The following ANKS1B variants were observed in gnomAD, a reference collection of about 807,000 sequenced individuals.
The protein encoded by ANKS1B is ankyrin repeat and sterile alpha motif domain containing 1B, also known as ankyrin repeat and sterile alpha motif domain-containing protein 1B.
A neutral mutation model predicts 148.3 loss-of-function variants in ANKS1B; 36 were observed. The observed-to-expected ratio is 0.24, with a 90% CI of 0.19 to 0.32. The LOEUF is 0.32. Among genes scored for constraint, ANKS1B ranks in the 10% least tolerant of loss-of-function variants. The pLI is 1.00. For synonymous variants in ANKS1B, 542 were observed against 560.8 expected, an observed-to-expected ratio of 0.97 and a Z score of 0.47; for missense variants, 1,157 against 1,542.6, an observed-to-expected ratio of 0.75 and a Z score of 4.19.
At chr12:99,093,441 C>A (rs4762549) in intron 15 of ANKS1B, 13,497 of 152,280 alleles carry the variant, frequency 0.089, 1,489 homozygotes, top group African/African-American at 0.26. Context: ...GACTGGTCAA[C>A]TGGGAAAATG....
intron 15 of ANKS1B, among the ~76,000 whole-genome samples, chr12:99,114,189 C>A (rs1222956784): frequency 6.6e-6 from 1 of 152,106 alleles, no homozygotes; most frequent in Non-Finnish European, 1.5e-5. Flanking sequence ...ATTCTCATAA[C>A]CTTTATGAGA....
At chr12:99,694,100 A>C (rs2053540795) in intron 8 of ANKS1B, among the ~76,000 whole-genome samples, 1 of 149,024 alleles carries the variant, frequency 6.7e-6, no homozygotes, top group Non-Finnish European at 1.5e-5. Context: ...ATTTTTATTC[A>C]AAGTTGTGAG....
intron 24 of ANKS1B, among the ~76,000 whole-genome samples, chr12:98,775,574 A>G (rs981653250): frequency 1.3e-5 from 2 of 151,490 alleles, no homozygotes; most frequent in African/African-American, 2.4e-5. Flanking sequence ...CCTCCTGAGT[A>G]GCTGGGACTA....
At chr12:98,845,477 G>A (rs3847881) in intron 17 of ANKS1B, among the ~76,000 whole-genome samples, 22,197 of 152,166 alleles carry the variant, frequency 0.15, 2,061 homozygotes, top group Admixed American at 0.26. Context: ...AAGGCTGGGT[G>A]CTTATATGAA....
chr12:99,743,397 T>A (rs1415700070), intron 8 of ANKS1B, among the ~76,000 whole-genome samples: 1 of 152,220 alleles, frequency 6.6e-6, no homozygotes. Flanking sequence ...TTTGTCTCCA[T>A]TATGAATATA....
chr12:98,751,045 A>G lies in ANKS1B; in HGVS notation c.3747+310T>C, dbSNP rs1193495345. 1.3e-5 allele frequency among the ~76,000 whole-genome samples: 2 copies of G among 152,202 alleles called. No individual in the cohort carries two copies. The highest frequency in any genetic ancestry group is 4.8e-5 in the African/African-American group (2 of 41,452). Reference sequence around the variant, plus strand: ...GAAGCCCCAGGGAACACTGCTCCCAAGCTTTCCTGAATCTTTAGGTAAGAT... The same window carrying G: ...GAAGCCCCAGGGAACACTGCTCCCAGGCTTTCCTGAATCTTTAGGTAAGAT... On this transcript the variant is annotated intron_variant, in intron 26 of 26. Coordinates refer to ENST00000683438, the MANE Select transcript of ANKS1B (RefSeq NM_001352186.2). This position sits in a 1 kb window ranked among gnomAD's most constrained non-coding sequence, Gnocchi z 4.3.
intron 25 of ANKS1B, among the ~76,000 whole-genome samples, chr12:98,762,773 G>GTAT (rs1407317961): frequency 7.2e-5 from 11 of 152,288 alleles, no homozygotes; most frequent in Admixed American, 2.6e-4. Flanking sequence ...TTACCACGTG[G>GTAT]TATTTATTAT....
intron 17 of ANKS1B, among the ~76,000 whole-genome samples, chr12:98,981,142 C>T (rs1007625939): frequency 3.3e-5 from 5 of 151,466 alleles, no homozygotes; most frequent in African/African-American, 9.7e-5. Flanking sequence ...TCTGTCTCTA[C>T]TAAAAATAAA....
intron 15 of ANKS1B, among the ~76,000 whole-genome samples, chr12:99,145,855 A>G (rs756264011): frequency 3.3e-5 from 5 of 151,980 alleles, no homozygotes; most frequent in Non-Finnish European, 7.4e-5. Flanking sequence ...AATTTTTTTA[A>G]CCTTGTTGAG....
At chr12:99,641,724 C>T (rs138358418) in intron 9 of ANKS1B, among the ~76,000 whole-genome samples, 1 of 152,216 alleles carries the variant, frequency 6.6e-6, no homozygotes, top group Non-Finnish European at 1.5e-5. Flanking sequence ...AAAATGATAT[C>T]AATTGAATAT....
chr12:99,179,415 C>G lies in ANKS1B; in HGVS notation c.2420-25020G>C, dbSNP rs182534255. The stretch of plus-strand genomic sequence containing the variant: ...CTGCACTCCGGCCTGGGTGACACAG[C>G]GAGACTCTGTCTCAAAAAAAAAAAA... On this transcript the variant is annotated intron_variant, in intron 14 of 26. Coordinates refer to ENST00000683438, the MANE Select transcript of ANKS1B (RefSeq NM_001352186.2). Among the ~76,000 whole-genome samples the G allele has an allele frequency of 1.4e-3, 155 of 109,844 alleles. 1 individual carries two copies. The highest frequency in any genetic ancestry group is 5.5e-3 in the African/African-American group (144 of 26,010). 72.1% of individuals were successfully genotyped at this position (109,844 alleles called of 152,430 possible).
chr12:98,989,165 G>A (rs527352836), intron 17 of ANKS1B, among the ~76,000 whole-genome samples: 7 of 151,912 alleles, frequency 4.6e-5, no homozygotes, highest in Non-Finnish European at 8.8e-5. Flanking sequence ...TTTGGTTCAT[G>A]TTAAAAAAAA....
intron 9 of ANKS1B, among the ~76,000 whole-genome samples, chr12:99,582,476 C>A (rs1319755783): frequency 6.6e-6 from 1 of 152,064 alleles, no homozygotes; most frequent in African/African-American, 2.4e-5. Context: ...TAAAAACAAA[C>A]TGTTCAATAT....
intron 17 of ANKS1B, among the ~76,000 whole-genome samples, chr12:98,874,487 A>C (rs74491445): frequency 0.017 from 2,632 of 152,308 alleles, 77 homozygotes; most frequent in East Asian, 0.12. Context: ...GAGATAATAA[A>C]TGAAGGGTAA....
At chr12:98,796,639 A>G (rs561395200) in intron 22 of ANKS1B, among the ~76,000 whole-genome samples, 1 of 152,242 alleles carries the variant, frequency 6.6e-6, no homozygotes, top group Non-Finnish European at 1.5e-5. Context: ...TTTATCAAGA[A>G]CTGAGACTTA....
chr12:99,633,344 T>C (rs557052879), intron 9 of ANKS1B, among the ~76,000 whole-genome samples: 61 of 152,210 alleles, frequency 4.0e-4, no homozygotes, highest in Admixed American at 7.9e-4. Context: ...CATCTACAAC[T>C]ATCTGATCTT....
chr12:99,961,232 AAAAAC>A (rs78927321), intron 1 of ANKS1B, among the ~76,000 whole-genome samples: 92,350 of 150,812 alleles, frequency 0.61, 29,883 homozygotes, highest in African/African-American at 0.76. Flanking sequence ...CCCTCTCAAA[AAAAAC>A]AAAACAAAAC....
intron 11 of ANKS1B, among the ~76,000 whole-genome samples, chr12:99,419,772 G>A (rs914804191): frequency 2.6e-5 from 4 of 152,016 alleles, no homozygotes; most frequent in East Asian, 1.9e-4. Context: ...GGGCTCAAGC[G>A]ATCCTCCCAC....
In ANKS1B at chr12:99,542,530, G is replaced by A. The variant is rs926114674; in HGVS notation, c.1273-37889C>T. Among the ~76,000 whole-genome samples the A allele has an allele frequency of 9.2e-5, 14 of 151,944 alleles. No homozygotes were observed. In the East Asian group the frequency reaches 1.7e-3, roughly 19 times the overall value. On this transcript the variant is annotated intron_variant, in intron 9 of 26. Transcript: ENST00000683438. ...ATCAAAATCCCTATAAAAAAAATCC[G>A]TGGTGCTTTTTTTCACAGAAATTGA...
Sources: gnomAD v4.1 joint callset for allele counts (sites outside exome capture counted in the v4.1 genomes callset) on GRCh38, gnomAD v4.1.1 for gene constraint, Gnocchi (gnomAD v3.1) non-coding constraint, MANE v1.5 for transcripts, NCBI Gene and HGNC (gene_info 2026-07-23, HGNC 2026-07-21) for gene names.